SETD2: variants seen among roughly 807,000 people sequenced by gnomAD.
The protein encoded by SETD2 is histone-lysine N-methyltransferase SETD2.
SETD2 carries 31 observed loss-of-function variants against 242.1 expected under a neutral mutation model. That is an observed-to-expected ratio of 0.13 (90% CI 0.10 to 0.17). The LOEUF (loss-of-function observed/expected upper bound fraction) is 0.17, where lower values mean the gene tolerates loss of function less well. Ranked by LOEUF, SETD2 falls within the 10% of genes least tolerant of loss-of-function variation. The probability of loss-of-function intolerance (pLI) is 1.00; values close to 1 mark genes in which losing one functional copy is unlikely to be tolerated. For missense variants in SETD2, 2,481 were observed against 3,046.3 expected (o/e 0.81, Z 4.37); for synonymous variants, 1,006 against 1,066.5 (o/e 0.94, Z 1.11).
chr3:47,043,044 A>C (rs1440136350), intron 16 of SETD2, among the ~76,000 whole-genome samples: 1 of 151,800 alleles, frequency 6.6e-6, no homozygotes, highest in Non-Finnish European at 1.5e-5. Flanking sequence ...TTAAAAAAAA[A>C]AAAAAAGAAA....
rs2106715781 is a variant in SETD2 at position 47,123,933 on chromosome 3, C to T, written c.703G>A (p.Val235Ile). ...APVPLPVDVA[V>I]RSLKEPPIII... ...ATTGGTGGTTCTTTCAGAGATCTAA[C>T]TGCTACATCTACTGGTAAGGGTACT... Residue 235 changes from valine (V) to isoleucine (I), a missense_variant, in exon 3 of 21, where the codon GTT (valine) becomes ATT (isoleucine). By Grantham distance (29) the Val-to-Ile change is conservative (BLOSUM62 3). Around this residue, in one of 17 missense-constraint regions of SETD2, gnomAD observed 334 missense variants for 374.5 expected, o/e 0.89. Coordinates refer to ENST00000409792, the MANE Select transcript of SETD2 (RefSeq NM_014159.7). The T allele has an allele frequency of 1.9e-6, 3 of 1,551,906 alleles. No individual in the cohort carries two copies. Among genetic ancestry groups the T allele is most frequent in the East Asian group, 2.4e-5 (1 of 40,926 alleles).
In SETD2 at chr3:47,046,252, G is replaced by A. The variant is rs144641521; in HGVS notation, c.7098+235C>T. The stretch of plus-strand genomic sequence containing the variant: ...CTCAGGTGGCTGAGGCAGGAGAATC[G>A]CTTTAAACCAGGAGGTGGAGGTTGC... On this transcript the variant is annotated intron_variant, in intron 16 of 20. Coordinates refer to ENST00000409792, the MANE Select transcript of SETD2 (RefSeq NM_014159.7). Among the ~76,000 whole-genome samples, 538 of 150,632 alleles carry A rather than the reference G, an allele frequency of 3.6e-3. 4 individuals are homozygous for A. Among genetic ancestry groups the A allele is most frequent in the East Asian group, 0.016 (83 of 5,112 alleles).
At chr3:47,036,905 T>TAAA (rs60186354) in intron 18 of SETD2, among the ~76,000 whole-genome samples, 3 of 117,906 alleles carry the variant, frequency 2.5e-5, no homozygotes, top group Non-Finnish European at 1.7e-5. Context: ...CCGTCTCATT[T>TAAA]AAAAAAAAAA....
At chr3:47,139,763 G>A (rs779578245) in intron 1 of SETD2, among the ~76,000 whole-genome samples, 8 of 152,004 alleles carry the variant, frequency 5.3e-5, no homozygotes, top group Non-Finnish European at 1.2e-4. Context: ...AAAAATATAC[G>A]TTATTTATGT....
At chr3:47,162,283 A>AT (rs1697511536) in intron 1 of SETD2, among the ~76,000 whole-genome samples, 1 of 151,920 alleles carries the variant, frequency 6.6e-6, no homozygotes, top group African/African-American at 2.4e-5. Context: ...CGTGATATAA[A>AT]ATTTTTTTTG....
intron 9 of SETD2, among the ~76,000 whole-genome samples, chr3:47,093,639 A>G (rs1575761401): frequency 6.6e-6 from 1 of 152,272 alleles, no homozygotes; most frequent in East Asian, 1.9e-4. Context: ...TATCATAAGC[A>G]ATGCTGTTGT....
intron 1 of SETD2, among the ~76,000 whole-genome samples, chr3:47,159,503 A>G (rs145554357): frequency 2.0e-3 from 298 of 152,184 alleles, no homozygotes; most frequent in Non-Finnish European, 3.2e-3. Flanking sequence ...CTCTTATATT[A>G]CCATCTTGGT....
chr3:47,072,398 T>C (rs368575923), intron 12 of SETD2, among the ~76,000 whole-genome samples: 1 of 152,274 alleles, frequency 6.6e-6, no homozygotes. Context: ...ACAGATTTAT[T>C]TTTGAAAACT....
chr3:47,115,691 AG>A (rs1487126311), intron 4 of SETD2, among the ~76,000 whole-genome samples: 1 of 152,210 alleles, frequency 6.6e-6, no homozygotes, highest in Admixed American at 6.5e-5. Flanking sequence ...TCTGTCACCC[AG>A]GCTGGAGTAT....
At chr3:47,106,170 G>A (rs1185943145) in intron 5 of SETD2, 50 bp from the exon 6 acceptor site, 1 of 1,560,844 alleles carries the variant, frequency 6.4e-7, no homozygotes, top group Non-Finnish European at 8.8e-7. Flanking sequence ...GAGCAGTAGG[G>A]AAAACATATA....
chr3:47,101,919 T>C (rs1282684027), intron 7 of SETD2, among the ~76,000 whole-genome samples: 1 of 152,204 alleles, frequency 6.6e-6, no homozygotes, highest in Non-Finnish European at 1.5e-5. Context: ...CAGAGGATGC[T>C]TGTGTCACTG....
At chr3:47,160,388 G>A (rs780716718) in intron 1 of SETD2, among the ~76,000 whole-genome samples, 15 of 151,694 alleles carry the variant, frequency 9.9e-5, no homozygotes, top group Non-Finnish European at 5.9e-5. Flanking sequence ...GGCAACCTCC[G>A]CCTCCAGGTT....
chr3:47,018,540 T>C (rs183712587), intron 19 of SETD2, among the ~76,000 whole-genome samples: 12 of 152,330 alleles, frequency 7.9e-5, no homozygotes, highest in African/African-American at 2.6e-4. Flanking sequence ...AAACAGCTGC[T>C]GGTTCAATGA....
At chr3:47,070,671 T>C (rs2040780495) in intron 12 of SETD2, among the ~76,000 whole-genome samples, 1 of 152,228 alleles carries the variant, frequency 6.6e-6, no homozygotes, top group African/African-American at 2.4e-5. Flanking sequence ...AATGTTTAAA[T>C]TGGCTTCATT....
At position 47,088,291 on chromosome 3, in the gene SETD2, C is replaced by CA. The variant is rs748501527; in HGVS notation, c.5143-45dup. 98,153 of 951,312 alleles carry CA rather than the reference C, an allele frequency of 0.1. 35 individuals carry two copies. Among genetic ancestry groups the CA allele is most frequent in the South Asian group, 0.13 (6,602 of 50,398 alleles). The allele number at this position is 951,312 out of a possible 1,614,324, so 58.9% of individuals were successfully genotyped here. Reference sequence around the variant, plus strand: ...ATACCTTTTTATAAAACAACAACAACAAAAAAAAAAACCAAAAACCCAAAA... The same window carrying CA: ...ATACCTTTTTATAAAACAACAACAACAAAAAAAAAAAACCAAAAACCCAAAA... On this transcript the variant is annotated intron_variant, in intron 9 of 20. Coordinates refer to ENST00000409792, the MANE Select transcript of SETD2 (RefSeq NM_014159.7).
At chr3:47,098,322 A>C in intron 8 of SETD2, 1 of 307,612 alleles carries the variant, frequency 3.3e-6, no homozygotes, top group Admixed American at 4.7e-5. Flanking sequence ...GAAATAAACA[A>C]TTCTTCCATT....
At chr3:47,075,235 T>C (rs1219014943) in intron 12 of SETD2, among the ~76,000 whole-genome samples, 1 of 151,790 alleles carries the variant, frequency 6.6e-6, no homozygotes, top group African/African-American at 2.4e-5. Flanking sequence ...TTCAGACTTA[T>C]TATAGTTTCT....
chr3:47,071,440 C>T (rs2040812645), intron 12 of SETD2, among the ~76,000 whole-genome samples: 1 of 152,120 alleles, frequency 6.6e-6, no homozygotes, highest in Admixed American at 6.5e-5. Context: ...TAGAAATCAC[C>T]TACACAGTGC....
chr3:47,109,934 C>T (rs2042585862), intron 5 of SETD2, among the ~76,000 whole-genome samples: 1 of 149,152 alleles, frequency 6.7e-6, no homozygotes, highest in Non-Finnish European at 1.5e-5. Context: ...TGCAGTGAGC[C>T]GTGATCGTGC....
Sources: gnomAD v4.1 joint callset for allele counts (sites outside exome capture counted in the v4.1 genomes callset) on GRCh38, gnomAD v4.1.1 for gene constraint, gnomAD v4.1.1 regional missense constraint, MANE v1.5 for transcripts, NCBI Gene and HGNC (gene_info 2026-07-23, HGNC 2026-07-21) for gene names.